Variants in ARID3A observed in about 807,000 individuals in gnomAD.
ARID3A encodes AT-rich interaction domain 3A, also known as AT-rich interactive domain-containing protein 3A.
In ARID3A, 11 loss-of-function variants were observed where a neutral mutation model predicts 52.7. That is an observed-to-expected ratio of 0.21 (90% CI 0.13 to 0.35). The LOEUF is 0.35. Among genes scored for constraint, ARID3A ranks in the 10% least tolerant of loss-of-function variants. ARID3A has a pLI of 1.00. For synonymous variants in ARID3A, 404 were observed against 359.4 expected (o/e 1.12, Z -1.40); for missense variants, 721 against 838.5 (o/e 0.86, Z 1.73).
chr19:966,964 T>TA (rs1356608852), intron 7 of ARID3A, 96 bp downstream of exon 7: 4 of 1,237,598 alleles, frequency 3.2e-6, no homozygotes, highest in Non-Finnish European at 4.1e-6. Flanking sequence ...AACAAATCAA[T>TA]AAGAAAAAAA....
rs1408402344 is a variant in ARID3A, at chr19:973,464, G to C, written c.*1399G>C. The C allele has an allele frequency of 1.4e-5, 3 of 211,906 alleles. No homozygotes were observed. The highest frequency in any genetic ancestry group is 1.2e-4 in the Admixed American group (2 of 16,936). 13.1% of individuals were successfully genotyped at this position (211,906 alleles called of 1,614,324 possible). A position where few individuals can be genotyped will look rare whatever the true frequency, so the allele number is the denominator to read the frequency against. On this transcript the variant is annotated 3_prime_UTR_variant, in exon 9 of 9. Transcript: ENST00000263620. ...AGCAAGTGCTGGAAAAAGGGCCTGG[G>C]GGGCGGGGGTGGTTCTTGTCGAAGC... is the stretch of plus-strand genomic sequence containing the variant.
rs1450445616 is a variant in ARID3A, at chr19:942,310, G to A, written c.693+9568G>A. Among the ~76,000 whole-genome samples, 3 of 152,316 alleles carry A rather than the reference G, an allele frequency of 2.0e-5. No individual in the cohort carries two copies. The highest frequency in any genetic ancestry group is 2.1e-4 in the South Asian group (1 of 4,834). ...CCTGACTGTCGATCCTGACTGGGGC[G>A]GTGGCGACATGGCCCCCGCAGCTGC... On this transcript the variant is annotated intron_variant, in intron 3 of 8. Coordinates refer to ENST00000263620, the MANE Select transcript of ARID3A (RefSeq NM_005224.3). The surrounding 1 kb of genome is among the most constrained non-coding windows in gnomAD (Gnocchi z 8.1).
At chr19:953,244 G>A (rs770364679) in intron 3 of ARID3A, among the ~76,000 whole-genome samples, 3 of 152,156 alleles carry the variant, frequency 2.0e-5, no homozygotes, top group Non-Finnish European at 2.9e-5. Context: ...CGGAGCTGTC[G>A]TTTCTCTGGG....
chr19:975,701 A>AT lies in ARID3A; in HGVS notation c.*3639dup, dbSNP rs1470050798. ...GGCCGCGGCAGGGTGGCCTGTAACA[A>AT]TTTCAGTTTTCGCAGAACATTCAGG... On this transcript the variant is annotated 3_prime_UTR_variant, in exon 9 of 9. Coordinates refer to ENST00000263620, the MANE Select transcript of ARID3A (RefSeq NM_005224.3). 4.9e-6 allele frequency: 1 copy of AT among 205,356 alleles called. No individual in the cohort carries two copies. The highest frequency in any genetic ancestry group is 2.3e-5 in the African/African-American group (1 of 43,498). The allele number at this position is 205,356 out of a possible 1,614,324, so 12.7% of individuals were successfully genotyped here.
chr19:972,053 C>T lies in ARID3A; in HGVS notation c.1770C>T (p.Asn590=), dbSNP rs774105029. The T allele has an allele frequency of 1.2e-5, 18 of 1,560,980 alleles. No individual in the cohort carries two copies. Among genetic ancestry groups the T allele is most frequent in the African/African-American group, 1.1e-4 (8 of 71,806 alleles). ...LSTPSTSTSN[N]SLP is the part of the protein sequence containing the mutation. ...CACCCTCCACATCTACCTCAAATAA[C>T]TCGTTGCCTTAACCGCATCACTCCC... The change falls in exon 9 of 9, where the codon AAC becomes AAT. Residue 590 remains asparagine (N), a synonymous_variant. Coordinates refer to ENST00000263620, the MANE Select transcript of ARID3A (RefSeq NM_005224.3).
intron 6 of ARID3A, among the ~76,000 whole-genome samples, chr19:965,927 G>A (rs1456639553): frequency 1.3e-5 from 2 of 151,076 alleles, no homozygotes; most frequent in African/African-American, 4.9e-5. Flanking sequence ...AGGTGGCAGA[G>A]GTTGCGGTGA....
intron 3 of ARID3A, among the ~76,000 whole-genome samples, chr19:934,215 GC>G (rs1029756117): frequency 4.6e-5 from 7 of 152,156 alleles, no homozygotes; most frequent in Non-Finnish European, 8.8e-5. Flanking sequence ...GAGGGTCAAG[GC>G]CCCCCATTCA....
At position 964,768 on chromosome 19, in the gene ARID3A, C is replaced by T; in HGVS notation, c.951-65C>T. ...GTGCCACAGTGGGGTTTACTTTGTA[C>T]TGAAGGCCAAAGAGAGCCGTAGGGG... On this transcript the variant is annotated intron_variant, in intron 5 of 8. Transcript: ENST00000263620. The surrounding 1 kb of genome is among the most constrained non-coding windows in gnomAD (Gnocchi z 5.7). 1 of 1,564,314 alleles carries T rather than the reference C, an allele frequency of 6.4e-7. No homozygotes were observed. Among genetic ancestry groups the T allele is most frequent in the South Asian group, 1.2e-5 (1 of 83,038 alleles).
intron 3 of ARID3A, among the ~76,000 whole-genome samples, chr19:950,355 C>CGGATGGATGAGGCCGTCCCCAGAGGGAAT (rs1486341371): frequency 1.0e-5 from 1 of 95,702 alleles, no homozygotes; most frequent in Non-Finnish European, 2.2e-5. Flanking sequence ...CCAGAGGGAA[C>CGGATGGATGAGGCCGTCCCCAGAGGGAAT]GGATGGATGA....
intron 6 of ARID3A, among the ~76,000 whole-genome samples, chr19:966,129 C>T (rs2038145829): frequency 6.6e-6 from 1 of 151,078 alleles, no homozygotes; most frequent in African/African-American, 2.4e-5. Flanking sequence ...CCACTGCCCT[C>T]CAGCCTAAGC....
rs201781616 is a variant in ARID3A at position 960,070 on chromosome 19, C to A, written c.694-22C>A. The A allele has an allele frequency of 6.2e-6, 10 of 1,606,636 alleles. No homozygotes were observed. The highest frequency in any genetic ancestry group is 8.5e-6 in the Non-Finnish European group (10 of 1,175,106). ...ACCTGAGCTCTGGCACCAACTAACC[C>A]ATCCCCTCTCCACCCTCACAGCTCT... is the stretch of plus-strand genomic sequence containing the variant. On this transcript the variant is annotated intron_variant, in intron 3 of 8. Coordinates refer to ENST00000263620, the MANE Select transcript of ARID3A (RefSeq NM_005224.3). This position sits in a 1 kb window ranked among gnomAD's most constrained non-coding sequence, Gnocchi z 4.3.
At chr19:955,949 G>T (rs1022635744) in intron 3 of ARID3A, among the ~76,000 whole-genome samples, 15 of 152,288 alleles carry the variant, frequency 9.8e-5, no homozygotes, top group Non-Finnish European at 2.2e-4. Flanking sequence ...CCCTCCAGGG[G>T]CTGCAGGAGG....
At chr19:966,142 C>T (rs1363286510) in intron 6 of ARID3A, among the ~76,000 whole-genome samples, 2 of 148,742 alleles carry the variant, frequency 1.3e-5, no homozygotes, top group South Asian at 4.3e-4. Flanking sequence ...GCCTAAGCAA[C>T]AGAGCGAGAC....
chr19:931,506 T>C (rs1379200402), intron 2 of ARID3A, among the ~76,000 whole-genome samples: 1 of 147,376 alleles, frequency 6.8e-6, no homozygotes, highest in Non-Finnish European at 1.5e-5. Flanking sequence ...GCAGGTGATA[T>C]CAGGTTGTAC....
At position 931,623 on chromosome 19, in the gene ARID3A, T is replaced by C. The variant is rs986546614; in HGVS notation, c.369-795T>C. ...GTCAGGAGATCGAGACCATCCTGGC[T>C]CACACGGTGAAACCCCGTCTCCACT... is the stretch of plus-strand genomic sequence containing the variant. On this transcript the variant is annotated intron_variant, in intron 2 of 8. Transcript: ENST00000263620. Among the ~76,000 whole-genome samples the C allele has an allele frequency of 5.3e-5, 8 of 151,914 alleles. No homozygotes were observed. In the East Asian group the frequency reaches 1.2e-3, roughly 22 times the overall value.
chr19:933,185 C>T (rs1459663568), intron 3 of ARID3A, among the ~76,000 whole-genome samples: 2 of 152,040 alleles, frequency 1.3e-5, no homozygotes, highest in South Asian at 2.1e-4. Context: ...TGGGGGGTTG[C>T]GGGCTGCAGC....
At chr19:940,674 A>T (rs2283590) in intron 3 of ARID3A, among the ~76,000 whole-genome samples, 13,978 of 152,150 alleles carry the variant, frequency 0.092, 749 homozygotes, top group East Asian at 0.27. Flanking sequence ...TTCCGAGCAC[A>T]CAGAGGCAGC....
At position 933,850 on chromosome 19, in the gene ARID3A, G is replaced by A. The variant is rs574601430; in HGVS notation, c.693+1108G>A. Among the ~76,000 whole-genome samples the A allele has an allele frequency of 5.2e-3, 778 of 148,298 alleles. 33 individuals are homozygous for A. The highest frequency in any genetic ancestry group is 0.028 in the Middle Eastern group (8 of 288). ...AGGGCAGCGGCGGGGACTCGGTGGG[G>A]GGGGGGGGCGTCTCGCTGATTCCAC... On this transcript the variant is annotated intron_variant, in intron 3 of 8. Coordinates refer to ENST00000263620, the MANE Select transcript of ARID3A (RefSeq NM_005224.3).
rs1381375535 is a variant in ARID3A, at chr19:973,073, T to G, written c.*1008T>G. On this transcript the variant is annotated 3_prime_UTR_variant, in exon 9 of 9. Transcript: ENST00000263620. The stretch of plus-strand genomic sequence containing the variant: ...GATGCTTTTGCTTGTGCCGTGCTTG[T>G]CTGCTGGGCTCTCGAGTCAGGGGCC... 6.3e-6 allele frequency: 1 copy of G among 158,294 alleles called. No individual in the cohort carries two copies. The highest frequency in any genetic ancestry group is 1.3e-5 in the Non-Finnish European group (1 of 75,708). 9.8% of individuals were successfully genotyped at this position (158,294 alleles called of 1,614,324 possible).
Sources: allele counts gnomAD v4.1 joint callset (sites outside exome capture counted in the v4.1 genomes callset), GRCh38; gene constraint gnomAD v4.1.1; non-coding constraint Gnocchi (gnomAD v3.1); transcripts MANE v1.5; gene names NCBI Gene and HGNC (gene_info 2026-07-23, HGNC 2026-07-21).